The following PLCB1 variants were observed in gnomAD, a reference collection of about 807,000 sequenced individuals.
PLCB1 encodes the protein phospholipase C beta 1.
PLCB1 carries 46 observed loss-of-function variants against 161.8 expected under a neutral mutation model. That is an observed-to-expected ratio of 0.28 (90% CI 0.22 to 0.36). The LOEUF (loss-of-function observed/expected upper bound fraction) is 0.36. Among genes scored for constraint, PLCB1 ranks in the 10% least tolerant of loss-of-function variants. PLCB1 has a pLI of 1.00. For synonymous variants in PLCB1, 517 were observed against 503.7 expected, an observed-to-expected ratio of 1.03 and a Z score of -0.35; for missense variants, 1,016 against 1,472.5, an observed-to-expected ratio of 0.69 and a Z score of 5.07.
intron 18 of PLCB1, among the ~76,000 whole-genome samples, chr20:8,731,417 T>TA (rs780655420): frequency 1.3e-5 from 2 of 151,924 alleles, no homozygotes; most frequent in Non-Finnish European, 2.9e-5. Flanking sequence ...CACCAGGTCT[T>TA]AACGTCTTCT....
intron 3 of PLCB1, among the ~76,000 whole-genome samples, chr20:8,478,739 G>T (rs1367319357): frequency 6.6e-6 from 1 of 152,002 alleles, no homozygotes; most frequent in Non-Finnish European, 1.5e-5. Flanking sequence ...AGATTGTGGT[G>T]CTTTTTTGTA....
chr20:8,242,456 A>G (rs750117619), intron 2 of PLCB1, among the ~76,000 whole-genome samples: 7 of 151,974 alleles, frequency 4.6e-5, no homozygotes, highest in African/African-American at 1.2e-4. Context: ...TGAGGGGTCA[A>G]TGTGGTCAGA....
chr20:8,884,687 C>T lies in PLCB1; in HGVS notation c.*2838C>T, dbSNP rs1988112159. 1 of 152,428 alleles carries T rather than the reference C, an allele frequency of 6.6e-6. No homozygotes were observed. 9.4% of individuals were successfully genotyped at this position (152,428 alleles called of 1,614,324 possible). ...TTGTGATGGATTGGACGTTGTGACT[C>T]TTGCCTTTTAAGAAGAAAAAAAAGA... is the stretch of plus-strand genomic sequence containing the variant. On this transcript the variant is annotated 3_prime_UTR_variant, in exon 32 of 32. Transcript: ENST00000338037.
rs1396139686 is a variant in PLCB1, at chr20:8,571,209, C to T, written c.247-57085C>T. Among the ~76,000 whole-genome samples the T allele has an allele frequency of 3.3e-5, 5 of 152,298 alleles. No individual in the cohort carries two copies. The South Asian group carries it at 6.2e-4, about 19-fold the overall frequency. On this transcript the variant is annotated intron_variant, in intron 3 of 31. Coordinates refer to ENST00000338037, the MANE Select transcript of PLCB1 (RefSeq NM_015192.4). ...CTGTTTGGGAGGCCAGGCATGGTGG[C>T]TCACGCCTGTAATCCCTATCCCAGC...
chr20:8,196,962 T>A (rs554730085), intron 2 of PLCB1, among the ~76,000 whole-genome samples: 71 of 152,232 alleles, frequency 4.7e-4, no homozygotes, highest in Admixed American at 9.2e-4. Context: ...AATGATGGTT[T>A]CCAGCTTCAT....
intron 31 of PLCB1, among the ~76,000 whole-genome samples, chr20:8,864,287 C>G (rs1987352504): frequency 6.6e-6 from 1 of 152,160 alleles, no homozygotes; most frequent in African/African-American, 2.4e-5. Context: ...TTCTGTGATG[C>G]CAAGGAGAGG....
chr20:8,756,572 T>C (rs1981747214), intron 23 of PLCB1, among the ~76,000 whole-genome samples: 1 of 152,202 alleles, frequency 6.6e-6, no homozygotes, highest in Non-Finnish European at 1.5e-5. Context: ...CTCAAGTGTA[T>C]GTGCTCAGCT....
chr20:8,651,492 TA>T, intron 7 of PLCB1: 1 of 721,096 alleles, frequency 1.4e-6, no homozygotes, highest in Non-Finnish European at 2.6e-6. Flanking sequence ...CTTCATTTTA[TA>T]AAGCAAAATA....
intron 31 of PLCB1, among the ~76,000 whole-genome samples, chr20:8,840,354 T>C (rs1986452202): frequency 6.6e-6 from 1 of 152,052 alleles, no homozygotes; most frequent in Non-Finnish European, 1.5e-5. Context: ...TATAGCCAAG[T>C]GGAATGAAGA....
At chr20:8,380,327 A>G (rs1301882359) in intron 3 of PLCB1, among the ~76,000 whole-genome samples, 1 of 152,094 alleles carries the variant, frequency 6.6e-6, no homozygotes, top group East Asian at 1.9e-4. Context: ...TGGTACCAGT[A>G]CCACCTGTTT....
chr20:8,673,318 G>A (rs116453193), intron 9 of PLCB1, among the ~76,000 whole-genome samples: 139 of 152,276 alleles, frequency 9.1e-4, no homozygotes, highest in African/African-American at 3.0e-3. Context: ...ATACCTTGAA[G>A]TACAGCCAAC....
At chr20:8,571,806 C>G (rs1986527875) in intron 3 of PLCB1, among the ~76,000 whole-genome samples, 1 of 152,168 alleles carries the variant, frequency 6.6e-6, no homozygotes, top group African/African-American at 2.4e-5. Flanking sequence ...GAACTAAGAA[C>G]ACTTTATGGA....
At chr20:8,228,684 T>TGTA (rs749935967) in intron 2 of PLCB1, among the ~76,000 whole-genome samples, 1,353 of 89,306 alleles carry the variant, frequency 0.015, 23 homozygotes, top group African/African-American at 0.052. Flanking sequence ...TAATTTTTTT[T>TGTA]TGTATTTATT....
chr20:8,378,268 A>G (rs1987154898), intron 3 of PLCB1, among the ~76,000 whole-genome samples: 1 of 152,216 alleles, frequency 6.6e-6, no homozygotes, highest in South Asian at 2.1e-4. Flanking sequence ...AAGGACAAAT[A>G]TAGTATGACT....
intron 3 of PLCB1, among the ~76,000 whole-genome samples, chr20:8,546,697 G>A (rs936335702): frequency 6.6e-6 from 1 of 151,492 alleles, no homozygotes; most frequent in African/African-American, 2.4e-5. Flanking sequence ...ATCAGTTGAT[G>A]ATATTATAGT....
chr20:8,516,259 A>G (rs987758630), intron 3 of PLCB1, among the ~76,000 whole-genome samples: 26 of 152,178 alleles, frequency 1.7e-4, no homozygotes, highest in Admixed American at 1.6e-3. Context: ...GCAGTGACCC[A>G]AGCACATGAG....
chr20:8,479,184 C>T (rs1357434456), intron 3 of PLCB1, among the ~76,000 whole-genome samples: 1 of 151,848 alleles, frequency 6.6e-6, no homozygotes, highest in Admixed American at 6.6e-5. Flanking sequence ...TTTATGTCAC[C>T]TGCTGTAGAA....
intron 3 of PLCB1, among the ~76,000 whole-genome samples, chr20:8,391,448 C>T (rs1005572422): frequency 6.6e-6 from 1 of 151,946 alleles, no homozygotes; most frequent in Non-Finnish European, 1.5e-5. Context: ...TAAGAACATG[C>T]GGGTATCTTT....
intron 1 of PLCB1, among the ~76,000 whole-genome samples, chr20:8,147,016 G>T (rs182310613): frequency 8.3e-4 from 126 of 152,242 alleles, no homozygotes; most frequent in African/African-American, 3.0e-3. Flanking sequence ...ATACTCACAA[G>T]ATATGGTTTG....
Sources: allele counts gnomAD v4.1 joint callset (sites outside exome capture counted in the v4.1 genomes callset), GRCh38; gene constraint gnomAD v4.1.1; transcripts MANE v1.5; gene names NCBI Gene and HGNC (gene_info 2026-07-23, HGNC 2026-07-21).